Variants in WWOX observed in about 807,000 individuals in gnomAD.
WWOX encodes the protein WW domain containing oxidoreductase.
A neutral mutation model predicts 46.2 loss-of-function variants in WWOX; 69 were observed. That is an observed-to-expected ratio of 1.49 (90% CI 1.23 to 1.82). WWOX has a LOEUF of 1.82. WWOX is among the 40% of genes most tolerant of loss of function. The pLI is 0.00. For synonymous variants in WWOX, 359 were observed against 202.6 expected (o/e 1.77, Z -6.56); for missense variants, 919 against 542.6 (o/e 1.69, Z -6.89).
At chr16:78,130,786 G>T (rs1223923023) in intron 4 of WWOX, among the ~76,000 whole-genome samples, 1 of 152,230 alleles carries the variant, frequency 6.6e-6, no homozygotes, top group African/African-American at 2.4e-5. Flanking sequence ...TAAGACTTCA[G>T]TGTAGAAACA....
intron 8 of WWOX, among the ~76,000 whole-genome samples, chr16:78,545,365 T>C (rs1482444089): frequency 6.6e-6 from 1 of 151,742 alleles, no homozygotes; most frequent in Non-Finnish European, 1.5e-5. Context: ...ATGGTTCCTT[T>C]TAATCCATTT....
rs183573724 is a variant in WWOX, at chr16:78,547,426, A to G, written c.1056+114674A>G. Among the ~76,000 whole-genome samples, 114 of 152,282 alleles carry G rather than the reference A, an allele frequency of 7.5e-4. 2 individuals carry two copies. Among genetic ancestry groups the G allele is most frequent in the Admixed American group, 5.6e-3 (85 of 15,294 alleles). On this transcript the variant is annotated intron_variant, in intron 8 of 8. Transcript: ENST00000566780. ...GCATGCACCCAAATGCCAGGTTTCA[A>G]TGACCCTGTGGTGAAGTGTGATTGC...
At chr16:79,194,824 C>G (rs1280404231) in intron 8 of WWOX, among the ~76,000 whole-genome samples, 1 of 152,130 alleles carries the variant, frequency 6.6e-6, no homozygotes. Flanking sequence ...AGAGTGCATA[C>G]AAAAACGCCT....
At chr16:78,961,908 C>A (rs116548828) in intron 8 of WWOX, among the ~76,000 whole-genome samples, 1,694 of 152,206 alleles carry the variant, frequency 0.011, 26 homozygotes, top group African/African-American at 0.038. Context: ...AGACCTATTG[C>A]CTTCAGATTT....
At chr16:78,471,465 G>C (rs556625384) in intron 8 of WWOX, among the ~76,000 whole-genome samples, 1 of 152,312 alleles carries the variant, frequency 6.6e-6, no homozygotes, top group East Asian at 1.9e-4. Context: ...CTTCATCATA[G>C]GAAGACGTTC....
intron 8 of WWOX, among the ~76,000 whole-genome samples, chr16:78,736,631 T>C (rs1204024346): frequency 2.0e-5 from 3 of 151,728 alleles, no homozygotes; most frequent in African/African-American, 7.3e-5. Flanking sequence ...AGGATCTGTC[T>C]CTTTCCCCCA....
At chr16:78,842,019 T>A (rs139203580) in intron 8 of WWOX, among the ~76,000 whole-genome samples, 42 of 152,236 alleles carry the variant, frequency 2.8e-4, no homozygotes, top group African/African-American at 9.9e-4. Context: ...ACTATAAAGG[T>A]GAATGGTAAT....
intron 8 of WWOX, among the ~76,000 whole-genome samples, chr16:78,456,917 C>T (rs2083832586): frequency 1.3e-5 from 2 of 152,222 alleles, no homozygotes; most frequent in African/African-American, 4.8e-5. Context: ...TGGCTGATCA[C>T]CCTTATGAAG....
chr16:78,659,562 C>G (rs2047165115), intron 8 of WWOX, among the ~76,000 whole-genome samples: 1 of 152,146 alleles, frequency 6.6e-6, no homozygotes. Flanking sequence ...CCTTTCGAGA[C>G]ATCATTTGAA....
intron 8 of WWOX, among the ~76,000 whole-genome samples, chr16:78,664,668 C>G (rs1345066279): frequency 6.6e-6 from 1 of 152,168 alleles, no homozygotes; most frequent in African/African-American, 2.4e-5. Context: ...TCTAGGAAGA[C>G]CAAGCATGCC....
intron 8 of WWOX, among the ~76,000 whole-genome samples, chr16:78,642,715 G>A (rs2046749966): frequency 6.6e-6 from 1 of 152,082 alleles, no homozygotes; most frequent in South Asian, 2.1e-4. Flanking sequence ...TATTTCTTTT[G>A]CTTCTGCTGA....
chr16:78,760,612 C>T (rs1222897961), intron 8 of WWOX, among the ~76,000 whole-genome samples: 1 of 152,160 alleles, frequency 6.6e-6, no homozygotes, highest in Non-Finnish European at 1.5e-5. Context: ...CCTCCAAGAA[C>T]AGGTACTTGC....
intron 8 of WWOX, among the ~76,000 whole-genome samples, chr16:78,474,240 AT>A (rs1278847325): frequency 1.3e-5 from 2 of 152,184 alleles, no homozygotes; most frequent in East Asian, 3.9e-4. Flanking sequence ...TATGTTTGAC[AT>A]TTTGATCATA....
At chr16:78,939,813 C>T (rs554267495) in intron 8 of WWOX, among the ~76,000 whole-genome samples, 8 of 152,308 alleles carry the variant, frequency 5.3e-5, no homozygotes, top group South Asian at 4.1e-4. Context: ...GCCTCCCTTC[C>T]GTCATCCTTC....
At chr16:78,563,526 TTTTTTTC>T (rs1329420744) in intron 8 of WWOX, among the ~76,000 whole-genome samples, 2 of 150,722 alleles carry the variant, frequency 1.3e-5, no homozygotes, top group African/African-American at 4.9e-5. Context: ...CGCTTTTTTT[TTTTTTTC>T]TTTTTTTTTT....
intron 8 of WWOX, among the ~76,000 whole-genome samples, chr16:79,098,430 C>G (rs1017426192): frequency 1.3e-5 from 2 of 152,200 alleles, no homozygotes; most frequent in African/African-American, 4.8e-5. Flanking sequence ...CCTCAGGGGT[C>G]ACCATGGGCA....
At chr16:78,400,239 C>G (rs1031397627) in intron 6 of WWOX, among the ~76,000 whole-genome samples, 4 of 152,122 alleles carry the variant, frequency 2.6e-5, no homozygotes, top group African/African-American at 9.7e-5. Context: ...AGGAAAAGGT[C>G]TCTGTTTGTC....
In WWOX at chr16:78,749,665, GA is replaced by G. The variant is rs57806154; in HGVS notation, c.1056+316918del. ...AGTGTTTTCTGGTCTAGCTAAGGAGGAAAAATTATAGACCTCAAAATAGGTG... is the reference window on the plus strand; with the variant it reads ...AGTGTTTTCTGGTCTAGCTAAGGAGGAAAATTATAGACCTCAAAATAGGTG... On this transcript the variant is annotated intron_variant, in intron 8 of 8. Coordinates refer to ENST00000566780, the MANE Select transcript of WWOX (RefSeq NM_016373.4). Among the ~76,000 whole-genome samples the G allele has an allele frequency of 2.2e-3, 328 of 152,212 alleles. 1 individual carries two copies. The highest frequency in any genetic ancestry group is 7.7e-3 in the African/African-American group (319 of 41,540).
At chr16:78,628,198 G>A (rs80152437) in intron 8 of WWOX, among the ~76,000 whole-genome samples, 5,538 of 152,266 alleles carry the variant, frequency 0.036, 188 homozygotes, top group African/African-American at 0.086. Flanking sequence ...GCTGCCGTCT[G>A]AGTGATGCTA....
Sources: allele counts gnomAD v4.1 joint callset (sites outside exome capture counted in the v4.1 genomes callset), GRCh38; gene constraint gnomAD v4.1.1; transcripts MANE v1.5; gene names NCBI Gene and HGNC (gene_info 2026-07-23, HGNC 2026-07-21).